HECTD4: variants seen among roughly 807,000 people sequenced by gnomAD.
HECTD4 encodes HECT domain E3 ubiquitin protein ligase 4.
A neutral mutation model predicts 471.5 loss-of-function variants in HECTD4; 114 were observed. The ratio of observed to expected loss-of-function variants is 0.24; its 90% CI spans 0.21 to 0.28. The LOEUF (loss-of-function observed/expected upper bound fraction) is 0.28, where lower values mean the gene tolerates loss of function less well. Ranked by LOEUF, HECTD4 falls within the 10% of genes least tolerant of loss-of-function variation. The pLI, the probability that HECTD4 is intolerant of heterozygous loss-of-function variation, is 1.00. For synonymous variants in HECTD4, 2,012 were observed against 2,256.0 expected (o/e 0.89, Z 3.07); for missense variants, 3,866 against 5,651.5 (o/e 0.68, Z 10.13).
At position 112,283,271 on chromosome 12, in the gene HECTD4, A is replaced by G; in HGVS notation, c.1367T>C (p.Leu456Pro). The change falls in exon 8 of 76, where the codon CTT becomes CCT. Residue 456 changes from leucine (L) to proline (P), a missense_variant. This residue lies in a region of HECTD4 where 440 missense variants were observed against 636.0 expected (regional missense o/e 0.69). Coordinates refer to ENST00000682272, the MANE Select transcript of HECTD4 (RefSeq NM_001388303.1). Reference protein sequence around the residue: ...VENGVFVANPLQERTILMRKE... With the variant: ...VENGVFVANPPQERTILMRKE... ...TCTCATTAGAATTGTACGTTCCTGA[A>G]GTGGGTTGGCTACAAATACACCATT... 3 of 1,613,400 alleles carry G rather than the reference A, an allele frequency of 1.9e-6. No individual in the cohort carries two copies. Among genetic ancestry groups the G allele is most frequent in the Non-Finnish European group, 2.5e-6 (3 of 1,179,612 alleles).
intron 1 of HECTD4, among the ~76,000 whole-genome samples, chr12:112,338,623 AAAAG>A (rs549731509): frequency 1.6e-4 from 24 of 152,114 alleles, no homozygotes; most frequent in Non-Finnish European, 2.4e-4. Flanking sequence ...CTATCTCAAA[AAAAG>A]AAAGAAAGAA....
At chr12:112,304,834 C>T (rs1485537122) in intron 7 of HECTD4, among the ~76,000 whole-genome samples, 1 of 152,174 alleles carries the variant, frequency 6.6e-6, no homozygotes, top group African/African-American at 2.4e-5. Flanking sequence ...TTAAAGGTTA[C>T]GAGACTCCTG....
rs2033808912 is a variant in HECTD4 at position 112,248,500 on chromosome 12, C to T, written c.3963G>A (p.Gln1321=). The T allele has an allele frequency of 1.9e-6, 3 of 1,603,088 alleles. No homozygotes were observed. Among genetic ancestry groups the T allele is most frequent in the Non-Finnish European group, 1.7e-6 (2 of 1,175,212 alleles). The change falls in exon 26 of 76, where the codon CAG becomes CAA. Residue 1321 remains glutamine (Q), a synonymous_variant. Transcript: ENST00000682272. ...QFRPSIKEVI[Q]PDVMEEMVVS... ...CCACCATTTCCTCCATCACGTCTGG[C>T]TGAATCACTTCTCTGTGATCACAAT...
Position 112,179,508 on chromosome 12 carries a change from A to C in HECTD4, c.10988-111T>G. 1 of 947,276 alleles carries C rather than the reference A, an allele frequency of 1.1e-6. No individual in the cohort carries two copies. The allele number at this position is 947,276 out of a possible 1,614,324, so 58.7% of individuals were successfully genotyped here. A position where few individuals can be genotyped will look rare whatever the true frequency, so the allele number is the denominator to read the frequency against. ...TTGAAAGGGGCAGTGGATGGACATT[A>C]GTGGAAGGAAGAGCTGCCCACCAAA... On this transcript the variant is annotated intron_variant, in intron 62 of 75. Coordinates refer to ENST00000682272, the MANE Select transcript of HECTD4 (RefSeq NM_001388303.1). This position sits in a 1 kb window ranked among gnomAD's most constrained non-coding sequence, Gnocchi z 4.3.
chr12:112,380,845 G>A (rs976958639), intron 1 of HECTD4, among the ~76,000 whole-genome samples: 5 of 152,096 alleles, frequency 3.3e-5, no homozygotes, highest in Admixed American at 2.0e-4. Context: ...CACAGTAATG[G>A]CTTTTAATTC....
At chr12:112,170,249 C>A (rs933945938) in intron 69 of HECTD4, 84 bp downstream of exon 69, 6 of 1,529,258 alleles carry the variant, frequency 3.9e-6, no homozygotes, top group East Asian at 2.4e-5. Flanking sequence ...CAGCCCTGGA[C>A]CCCCTTCTTT....
chr12:112,331,021 A>G (rs556571840), intron 1 of HECTD4, among the ~76,000 whole-genome samples: 1 of 152,110 alleles, frequency 6.6e-6, no homozygotes. Flanking sequence ...TTACCTCAGA[A>G]TATGTGAGGA....
At chr12:112,279,495 T>G (rs2034590534) in intron 8 of HECTD4, 109 bp from the exon 9 acceptor site, 1 of 916,454 alleles carries the variant, frequency 1.1e-6, no homozygotes, top group African/African-American at 1.7e-5. Flanking sequence ...AAACAAAGAT[T>G]TGGAAAACAG....
In HECTD4 at chr12:112,179,464, T is replaced by C; in HGVS notation, c.10988-67A>G. 1.5e-6 allele frequency: 2 copies of C among 1,376,184 alleles called. No homozygotes were observed. Among genetic ancestry groups the C allele is most frequent in the Non-Finnish European group, 2.0e-6 (2 of 989,256 alleles). The allele number at this position is 1,376,184 out of a possible 1,614,324, so 85.2% of individuals were successfully genotyped here. A position where few individuals can be genotyped will look rare whatever the true frequency, so the allele number is the denominator to read the frequency against. On this transcript the variant is annotated intron_variant, in intron 62 of 75. Coordinates refer to ENST00000682272, the MANE Select transcript of HECTD4 (RefSeq NM_001388303.1). The surrounding 1 kb of genome is among the most constrained non-coding windows in gnomAD (Gnocchi z 4.3). ...TGCATCGGGACAAGCCCTGCGAGCA[T>C]TCTGTTTCCAAACACTGTTTGAAAG...
chr12:112,358,843 C>T (rs768480786), intron 1 of HECTD4, among the ~76,000 whole-genome samples: 2 of 152,032 alleles, frequency 1.3e-5, no homozygotes, highest in African/African-American at 2.4e-5. Flanking sequence ...GTAAGAAAGA[C>T]GCTTACTCTC....
At chr12:112,352,464 T>C (rs958444616) in intron 1 of HECTD4, among the ~76,000 whole-genome samples, 18 of 151,062 alleles carry the variant, frequency 1.2e-4, no homozygotes, top group African/African-American at 4.4e-4. Flanking sequence ...GCCTCCCGGG[T>C]AGCTGGGATT....
At position 112,248,059 on chromosome 12, in the gene HECTD4, T is replaced by C. The variant is rs1425043610; in HGVS notation, c.4248+8A>G. ...ATACCCCAGTGACAAATCATACAATTTGCTCACCTCATTAAAATGGTAATC... is the reference window on the plus strand; with the variant it reads ...ATACCCCAGTGACAAATCATACAATCTGCTCACCTCATTAAAATGGTAATC... On this transcript the variant is annotated splice_region_variant and intron_variant, in intron 27 of 75. Coordinates refer to ENST00000682272, the MANE Select transcript of HECTD4 (RefSeq NM_001388303.1). 4 of 1,602,466 alleles carry C rather than the reference T, an allele frequency of 2.5e-6. No homozygotes were observed. The highest frequency in any genetic ancestry group is 3.4e-6 in the Non-Finnish European group (4 of 1,171,378).
chr12:112,239,347 C>T lies in HECTD4; in HGVS notation c.5106-111G>A, dbSNP rs1593964453. Reference sequence around the variant, plus strand: ...ACATGCTGGTGCAGCTCTTTCCCTACAACTTAGGATACTGCCATGTGCAAT... The same window carrying T: ...ACATGCTGGTGCAGCTCTTTCCCTATAACTTAGGATACTGCCATGTGCAAT... On this transcript the variant is annotated intron_variant, in intron 33 of 75. Coordinates refer to ENST00000682272, the MANE Select transcript of HECTD4 (RefSeq NM_001388303.1). The surrounding 1 kb of genome is among the most constrained non-coding windows in gnomAD (Gnocchi z 4.9). 1.1e-6 allele frequency: 1 copy of T among 880,038 alleles called. No individual in the cohort carries two copies. Among genetic ancestry groups the T allele is most frequent in the East Asian group, 2.7e-5 (1 of 37,376 alleles). 54.5% of individuals were successfully genotyped at this position (880,038 alleles called of 1,614,324 possible).
intron 48 of HECTD4, 58 bp from the exon 49 acceptor site, chr12:112,212,708 A>G: frequency 6.8e-7 from 1 of 1,470,478 alleles, no homozygotes; most frequent in Non-Finnish European, 9.1e-7. Flanking sequence ...GTAAATTTTA[A>G]ATTTGCAACC....
chr12:112,262,701 C>T (rs1172023865), intron 17 of HECTD4, among the ~76,000 whole-genome samples: 2 of 151,840 alleles, frequency 1.3e-5, no homozygotes, highest in Non-Finnish European at 2.9e-5. Context: ...CTGCAACCTC[C>T]ACCTCCTGGG....
chr12:112,359,675 T>A (rs1227976920), intron 1 of HECTD4, among the ~76,000 whole-genome samples: 1 of 152,092 alleles, frequency 6.6e-6, no homozygotes, highest in African/African-American at 2.4e-5. Context: ...CACCTTGGCC[T>A]CCCAAAGTGC....
At chr12:112,343,070 AT>A (rs144680326) in intron 1 of HECTD4, among the ~76,000 whole-genome samples, 13,287 of 152,266 alleles carry the variant, frequency 0.087, 794 homozygotes, top group South Asian at 0.32. Context: ...CAATTTTAGA[AT>A]TTCACAAAAA....
chr12:112,374,003 CAA>C (rs1007853408), intron 1 of HECTD4, among the ~76,000 whole-genome samples: 46 of 60,862 alleles, frequency 7.6e-4, no homozygotes, highest in Non-Finnish European at 1.0e-3. Flanking sequence ...GACTCTGTCT[CAA>C]AAAAAAAAAA....
At chr12:112,178,316 C>A (rs1033401159) in intron 64 of HECTD4, among the ~76,000 whole-genome samples, 2 of 152,056 alleles carry the variant, frequency 1.3e-5, no homozygotes, top group African/African-American at 4.8e-5. Context: ...GGGCTTAAGG[C>A]GTTATGCATT....
Sources: allele counts gnomAD v4.1 joint callset (sites outside exome capture counted in the v4.1 genomes callset), GRCh38; gene constraint gnomAD v4.1.1; regional missense constraint gnomAD v4.1.1; non-coding constraint Gnocchi (gnomAD v3.1); transcripts MANE v1.5; gene names NCBI Gene and HGNC (gene_info 2026-07-23, HGNC 2026-07-21).